Variants in GALNT9 observed in about 807,000 individuals in gnomAD.
GALNT9 encodes GalNAc transferase 9.
GALNT9 carries 47 observed loss-of-function variants against 63.1 expected under a neutral mutation model. That is an observed-to-expected ratio of 0.75 (90% CI 0.59 to 0.95). The LOEUF is 0.95. Among genes scored for constraint, GALNT9 ranks in the 40% least tolerant of loss-of-function variants. The probability of loss-of-function intolerance (pLI) is 0.00; values close to 1 mark genes in which losing one functional copy is unlikely to be tolerated. For synonymous variants in GALNT9, 396 were observed against 365.7 expected (o/e 1.08, Z -0.94); for missense variants, 829 against 874.8 (o/e 0.95, Z 0.66).
intron 1 of GALNT9, among the ~76,000 whole-genome samples, chr12:132,297,762 C>T (rs565709415): frequency 6.6e-6 from 1 of 152,156 alleles, no homozygotes; most frequent in East Asian, 1.9e-4. Flanking sequence ...CAACTCCCTC[C>T]TGAGACAACC....
chr12:132,313,833 C>CAT (rs1881917662), intron 1 of GALNT9, among the ~76,000 whole-genome samples: 1 of 92,432 alleles, frequency 1.1e-5, no homozygotes, highest in African/African-American at 4.4e-5. Flanking sequence ...CAGCCACCCA[C>CAT]CCATCCATCC....
At chr12:132,225,338 AC>A (rs1877610999) in intron 6 of GALNT9, among the ~76,000 whole-genome samples, 1 of 121,924 alleles carries the variant, frequency 8.2e-6, no homozygotes, top group African/African-American at 3.1e-5. Context: ...GTACATAAAC[AC>A]CCCCACATAT....
At chr12:132,205,760 A>T (rs1876648607) in intron 6 of GALNT9, 1 of 152,294 alleles carries the variant, frequency 6.6e-6, no homozygotes, top group African/African-American at 2.4e-5. Flanking sequence ...CAGCCCCCTG[A>T]GCCGGGGCTT....
intron 1 of GALNT9, among the ~76,000 whole-genome samples, chr12:132,291,506 CCACACCACCCACATCCACAGCACCCACGT>C (rs1880843761): frequency 6.7e-6 from 1 of 149,650 alleles, no homozygotes; most frequent in African/African-American, 2.5e-5. Context: ...GCGCCCACGT[CCACACCACCCACATCCACAGCACCCACGT>C]CCACACCACC....
chr12:132,270,271 GGCCCCGTGTCTCCCTGAAATA>G (rs1555240600), intron 2 of GALNT9, among the ~76,000 whole-genome samples: 1 of 152,174 alleles, frequency 6.6e-6, no homozygotes, highest in Non-Finnish European at 1.5e-5. Flanking sequence ...TTGTCACAGA[GGCCCCGTGTCTCCCTGAAATA>G]GCCCCGTGTC....
intron 1 of GALNT9, among the ~76,000 whole-genome samples, chr12:132,322,384 G>C (rs562066245): frequency 6.6e-6 from 1 of 152,238 alleles, no homozygotes; most frequent in Admixed American, 6.5e-5. Context: ...TCACGAATTC[G>C]CCAGGAAGGA....
Position 132,266,535 on chromosome 12 carries a change from T to C in GALNT9, c.420-3910A>G, listed in dbSNP as rs1879604243. The stretch of plus-strand genomic sequence containing the variant: ...GCCATGTGGAGGTGGAGGCCGAGAC[T>C]CGAATGGCACGGCCACGAGCCCAGG... On this transcript the variant is annotated intron_variant, in intron 2 of 10. Transcript: ENST00000328957. 3.3e-5 allele frequency among the ~76,000 whole-genome samples: 5 copies of C among 152,070 alleles called. No homozygotes were observed. In the South Asian group the frequency reaches 1.0e-3, roughly 32 times the overall value.
chr12:132,197,612 C>T (rs1875614537), intron 10 of GALNT9, among the ~76,000 whole-genome samples, 180 bp downstream of exon 10: 1 of 149,340 alleles, frequency 6.7e-6, no homozygotes, highest in African/African-American at 2.6e-5. Flanking sequence ...CAGTCACCTG[C>T]CCTCTCTGTG....
At chr12:132,306,147 G>T (rs1416688523) in intron 1 of GALNT9, among the ~76,000 whole-genome samples, 1 of 152,246 alleles carries the variant, frequency 6.6e-6, no homozygotes, top group African/African-American at 2.4e-5. Flanking sequence ...CCCCCGTGGG[G>T]GGCCTGCAGG....
At chr12:132,311,551 C>T (rs538728266) in intron 1 of GALNT9, among the ~76,000 whole-genome samples, 23 of 152,304 alleles carry the variant, frequency 1.5e-4, no homozygotes, top group African/African-American at 4.6e-4. Context: ...CACAGTCAAA[C>T]GTAACAAGGC....
rs1452436304 is a variant in GALNT9 at position 132,203,599 on chromosome 12, T to C, written c.1169A>G (p.Asp390Gly). The change falls in exon 7 of 11, where the codon GAC (aspartate) becomes GGC (glycine). Residue 390 changes from aspartate (D) to glycine (G), a missense_variant. Asp to Gly is a moderately conservative substitution (Grantham distance 94). Coordinates refer to ENST00000328957, the MANE Select transcript of GALNT9 (RefSeq NM_001122636.2). ...RTRKPYNNDI[D>G]YYAKRNALRA... Reference sequence around the variant, plus strand: ...CAGGGCGTTGCGCTTGGCATAGTAGTCAATGTCGTTGTTGTAGGGCTTCCT... The same window carrying C: ...CAGGGCGTTGCGCTTGGCATAGTAGCCAATGTCGTTGTTGTAGGGCTTCCT... 1 of 1,613,920 alleles carries C rather than the reference T, an allele frequency of 6.2e-7. No individual in the cohort carries two copies.
rs978755464 is a variant in GALNT9, at chr12:132,278,150, C to T, written c.419+8100G>A. 7.2e-5 allele frequency: 11 copies of T among 152,112 alleles called. No individual in the cohort carries two copies. In the East Asian group the frequency reaches 1.9e-3, roughly 27 times the overall value. The allele number at this position is 152,112 out of a possible 1,614,324, so 9.4% of individuals were successfully genotyped here. On this transcript the variant is annotated intron_variant, in intron 2 of 10. Coordinates refer to ENST00000328957, the MANE Select transcript of GALNT9 (RefSeq NM_001122636.2). ...CTGGGCTCCCCGAGGCCCCCGGGGG[C>T]TGGGAGTGGGTTAAAGCCGTCCAGG...
chr12:132,198,851 C>T (rs1875759738), intron 9 of GALNT9, among the ~76,000 whole-genome samples: 1 of 152,150 alleles, frequency 6.6e-6, no homozygotes, highest in Non-Finnish European at 1.5e-5. Context: ...AGGGTTTCGC[C>T]ACGCTGCCCA....
rs529173097 is a variant in GALNT9 at position 132,269,901 on chromosome 12, G to C, written c.420-7276C>G. Reference sequence around the variant, plus strand: ...ATCAGCCAGTTTCCCAGATAACTTAGGCCCAGCCTGTTCTACAAACAGCTT... The same window carrying C: ...ATCAGCCAGTTTCCCAGATAACTTACGCCCAGCCTGTTCTACAAACAGCTT... On this transcript the variant is annotated intron_variant, in intron 2 of 10. Coordinates refer to ENST00000328957, the MANE Select transcript of GALNT9 (RefSeq NM_001122636.2). Among the ~76,000 whole-genome samples the C allele has an allele frequency of 2.5e-4, 38 of 152,332 alleles. 1 individual carries two copies. The highest frequency in any genetic ancestry group is 9.1e-4 in the African/African-American group (38 of 41,572).
chr12:132,240,095 T>C (rs1878186563), intron 6 of GALNT9, among the ~76,000 whole-genome samples: 1 of 152,174 alleles, frequency 6.6e-6, no homozygotes, highest in Admixed American at 6.5e-5. Flanking sequence ...TTGGGGCCTA[T>C]CAGGATGTGT....
intron 2 of GALNT9, chr12:132,283,234 CG>C (rs1418737304): frequency 2.0e-5 from 3 of 152,360 alleles, no homozygotes; most frequent in Admixed American, 6.5e-5. Context: ...AAACCAGTGC[CG>C]GACGCAGCCT....
chr12:132,222,000 G>A (rs1877469703), intron 6 of GALNT9, among the ~76,000 whole-genome samples: 1 of 152,118 alleles, frequency 6.6e-6, no homozygotes, highest in Non-Finnish European at 1.5e-5. Flanking sequence ...ATAAATAATG[G>A]CTTAGAGTAG....
At chr12:132,304,777 G>A (rs191314115) in intron 1 of GALNT9, among the ~76,000 whole-genome samples, 47 of 21,766 alleles carry the variant, frequency 2.2e-3, no homozygotes, top group Admixed American at 3.0e-3. Flanking sequence ...CCTCACCCGG[G>A]CACACCCTCG....
rs1868500532 is a variant in GALNT9 at position 132,316,165 on chromosome 12, A to G, written c.238+12801T>C. 6.6e-6 allele frequency among the ~76,000 whole-genome samples: 1 copy of G among 152,100 alleles called. No homozygotes were observed. On this transcript the variant is annotated intron_variant, in intron 1 of 10. Coordinates refer to ENST00000328957, the MANE Select transcript of GALNT9 (RefSeq NM_001122636.2). The surrounding 1 kb of genome is among the most constrained non-coding windows in gnomAD (Gnocchi z 4.3). ...GCCGCGGGCTGGGAGGCGACCCCACAGACCCCAGCGTCCCAGTCCAGGCTC... is the reference window on the plus strand; with the variant it reads ...GCCGCGGGCTGGGAGGCGACCCCACGGACCCCAGCGTCCCAGTCCAGGCTC...
Sources: allele counts gnomAD v4.1 joint callset (sites outside exome capture counted in the v4.1 genomes callset), GRCh38; gene constraint gnomAD v4.1.1; non-coding constraint Gnocchi (gnomAD v3.1); transcripts MANE v1.5; gene names NCBI Gene and HGNC (gene_info 2026-07-23, HGNC 2026-07-21).